Variants in CCDC178 observed in about 807,000 individuals in gnomAD.
CCDC178 encodes coiled-coil domain-containing protein 178.
In CCDC178, 126 loss-of-function variants were observed where a neutral mutation model predicts 117.4. The ratio of observed to expected loss-of-function variants is 1.07; its 90% CI spans 0.93 to 1.24. The LOEUF (loss-of-function observed/expected upper bound fraction) is 1.24, where lower values mean the gene tolerates loss of function less well. Among genes scored for constraint, CCDC178 ranks in the 50% most tolerant of loss-of-function variants. The pLI is 0.00. For synonymous variants in CCDC178, 283 were observed against 313.4 expected (o/e 0.90, Z 1.02); for missense variants, 1,030 against 986.9 (o/e 1.04, Z -0.59).
intron 20 of CCDC178, among the ~76,000 whole-genome samples, chr18:33,145,916 G>A (rs1021986665): frequency 2.0e-5 from 3 of 152,162 alleles, no homozygotes; most frequent in African/African-American, 7.2e-5. Flanking sequence ...GGAGATTTGG[G>A]AAATGTTACA....
At chr18:33,421,186 G>A (rs2064019637) in intron 2 of CCDC178, among the ~76,000 whole-genome samples, 2 of 152,308 alleles carry the variant, frequency 1.3e-5, no homozygotes, top group Admixed American at 1.3e-4. Context: ...AATGTGCTTA[G>A]AGTGGCCCAA....
chr18:33,090,096 A>T (rs457510), intron 21 of CCDC178, among the ~76,000 whole-genome samples: 21,662 of 152,156 alleles, frequency 0.14, 2,390 homozygotes, highest in African/African-American at 0.31. Context: ...AAAGCAGACA[A>T]AATATTAACA....
At chr18:33,340,979 A>T (rs1232764568) in intron 9 of CCDC178, among the ~76,000 whole-genome samples, 1 of 152,124 alleles carries the variant, frequency 6.6e-6, no homozygotes, top group Non-Finnish European at 1.5e-5. Context: ...AGAGTCCAGA[A>T]TGGTAGATCC....
intron 14 of CCDC178, 94 bp downstream of exon 14, chr18:33,266,822 C>G: frequency 8.4e-7 from 1 of 1,192,896 alleles, no homozygotes; most frequent in Non-Finnish European, 1.1e-6. Flanking sequence ...ACAAAAACAC[C>G]ACCATATAAC....
At chr18:33,403,196 G>C (rs1432132136) in intron 3 of CCDC178, among the ~76,000 whole-genome samples, 1 of 152,142 alleles carries the variant, frequency 6.6e-6, no homozygotes, top group African/African-American at 2.4e-5. Context: ...GATGAGTGTT[G>C]AAGATGTATC....
At chr18:33,159,987 C>T (rs1306357788) in intron 20 of CCDC178, among the ~76,000 whole-genome samples, 2 of 151,990 alleles carry the variant, frequency 1.3e-5, no homozygotes, top group African/African-American at 4.8e-5. Flanking sequence ...GGTTATATTA[C>T]AAAAACTGCC....
chr18:33,193,213 A>C (rs983014828), intron 20 of CCDC178, among the ~76,000 whole-genome samples: 3 of 133,166 alleles, frequency 2.3e-5, no homozygotes, highest in Non-Finnish European at 4.6e-5. Context: ...CAGTGAGCCG[A>C]GATCGCGCCA....
chr18:33,376,252 C>CCAA lies in CCDC178; in HGVS notation c.209-6066_209-6064dup, dbSNP rs1244107603. On this transcript the variant is annotated intron_variant, in intron 5 of 22. Transcript: ENST00000383096. ...TGCTTGACCATCACCTGATGGTCAC[C>CCAA]CAACACTCCTGGTGTGTTGGGGGAG... 2.0e-5 allele frequency among the ~76,000 whole-genome samples: 3 copies of CCAA among 152,034 alleles called. No homozygotes were observed. The East Asian group carries it at 5.8e-4, about 29-fold the overall frequency.
chr18:33,325,130 T>G (rs2062567136), intron 10 of CCDC178, among the ~76,000 whole-genome samples: 1 of 151,886 alleles, frequency 6.6e-6, no homozygotes, highest in Non-Finnish European at 1.5e-5. Context: ...TTACCTGATT[T>G]GTTCCTATTA....
intron 20 of CCDC178, among the ~76,000 whole-genome samples, chr18:33,200,178 T>G (rs1382616883): frequency 6.6e-6 from 1 of 152,208 alleles, no homozygotes; most frequent in Non-Finnish European, 1.5e-5. Context: ...CAGTGAACCA[T>G]GTTTATGTCA....
intron 21 of CCDC178, among the ~76,000 whole-genome samples, chr18:33,070,265 G>A (rs2057085503): frequency 6.6e-6 from 1 of 151,948 alleles, no homozygotes; most frequent in Non-Finnish European, 1.5e-5. Context: ...GCCAAGACAT[G>A]GAATCAGTTT....
chr18:32,983,356 A>G, intron 21 of CCDC178: 2 of 1,506,276 alleles, frequency 1.3e-6, no homozygotes, highest in Non-Finnish European at 1.8e-6. Context: ...CTGCAACCTA[A>G]GAATAGAAAT....
Position 33,408,475 on chromosome 18 carries a change from G to A in CCDC178, c.58+3556C>T, listed in dbSNP as rs1399928810. Reference sequence around the variant, plus strand: ...GTGAATAGGAGAGTTAAACTTGTTAGATGAAATAAAATATATAGAACTGTA... The same window carrying A: ...GTGAATAGGAGAGTTAAACTTGTTAAATGAAATAAAATATATAGAACTGTA... On this transcript the variant is annotated intron_variant, in intron 3 of 22. Transcript: ENST00000383096. 4.0e-5 allele frequency among the ~76,000 whole-genome samples: 6 copies of A among 151,726 alleles called. 1 individual carries two copies. The highest frequency in any genetic ancestry group is 3.9e-4 in the Admixed American group (6 of 15,208).
intron 4 of CCDC178, among the ~76,000 whole-genome samples, chr18:33,391,939 CT>C (rs112518500): frequency 1.3e-5 from 2 of 152,024 alleles, no homozygotes; most frequent in African/African-American, 4.8e-5. Flanking sequence ...TCTCGGTTCA[CT>C]GCAACCTCTG....
At chr18:33,001,161 G>T (rs569831886) in intron 21 of CCDC178, among the ~76,000 whole-genome samples, 88 of 152,088 alleles carry the variant, frequency 5.8e-4, no homozygotes, top group Non-Finnish European at 1.1e-3. Flanking sequence ...AAAATAATGG[G>T]TTATATGATA....
intron 21 of CCDC178, among the ~76,000 whole-genome samples, chr18:33,080,271 T>C (rs1226533169): frequency 1.3e-5 from 2 of 152,076 alleles, no homozygotes; most frequent in Admixed American, 6.6e-5. Flanking sequence ...TGGAGCCTAT[T>C]TGAGGGTGGA....
chr18:33,267,420 T>C (rs954127512), intron 12 of CCDC178, 123 bp from the exon 13 acceptor site: 3 of 555,022 alleles, frequency 5.4e-6, no homozygotes, highest in Non-Finnish European at 9.1e-6. Context: ...TGAAAAACAA[T>C]AGAAAATTCG....
chr18:33,144,175 T>A (rs2058243375), intron 20 of CCDC178, among the ~76,000 whole-genome samples: 1 of 152,130 alleles, frequency 6.6e-6, no homozygotes, highest in South Asian at 2.1e-4. Flanking sequence ...ATCCTGAAAG[T>A]TAAATAGCTT....
At chr18:32,946,190 C>G (rs575605247) in intron 22 of CCDC178, among the ~76,000 whole-genome samples, 48 of 152,230 alleles carry the variant, frequency 3.2e-4, no homozygotes, top group African/African-American at 1.1e-3. Flanking sequence ...AATTTTTACT[C>G]ATGAGAATAA....
Sources: allele counts gnomAD v4.1 joint callset (sites outside exome capture counted in the v4.1 genomes callset), GRCh38; gene constraint gnomAD v4.1.1; transcripts MANE v1.5; gene names NCBI Gene and HGNC (gene_info 2026-07-23, HGNC 2026-07-21).